KIF22: variants seen among roughly 807,000 people sequenced by gnomAD.
The protein encoded by KIF22 is kinesin family member 22, also known as kinesin-like protein KIF22.
Under a neutral mutation model 73.0 loss-of-function variants are expected in KIF22, and 62 were observed. The observed-to-expected ratio is 0.85, with a 90% CI of 0.69 to 1.05. The LOEUF (loss-of-function observed/expected upper bound fraction) is 1.05. KIF22 is among the 50% of genes least tolerant of loss of function. KIF22 has a pLI of 0.00. For missense variants in KIF22, 854 were observed against 870.1 expected (o/e 0.98, Z 0.23); for synonymous variants, 411 against 340.1 (o/e 1.21, Z -2.29).
At chr16:29,800,916 C>G (rs1899116609) in intron 8 of KIF22, among the ~76,000 whole-genome samples, 1 of 152,184 alleles carries the variant, frequency 6.6e-6, no homozygotes, top group South Asian at 2.1e-4. Context: ...ACCCCTTTAG[C>G]CTTCAGCAAA....
At chr16:29,802,398 C>G (rs1899172805) in intron 8 of KIF22, among the ~76,000 whole-genome samples, 1 of 151,668 alleles carries the variant, frequency 6.6e-6, no homozygotes. Flanking sequence ...CGGTGGATTT[C>G]AAAGCCCTGC....
intron 1 of KIF22, chr16:29,792,491 G>A: frequency 1.3e-6 from 1 of 746,096 alleles, no homozygotes; most frequent in South Asian, 6.0e-5. Flanking sequence ...GGCCTACTCT[G>A]CGCCAGGTGT....
At chr16:29,801,100 C>T (rs1012626322) in intron 8 of KIF22, among the ~76,000 whole-genome samples, 8 of 152,134 alleles carry the variant, frequency 5.3e-5, no homozygotes, top group East Asian at 1.9e-4. Context: ...CATGACTCTC[C>T]GGGGAGCCAG....
Position 29,799,135 on chromosome 16 carries a change from C to A in KIF22, c.710C>A (p.Thr237Asn), listed in dbSNP as rs776071468. The A allele has an allele frequency of 5.0e-6, 8 of 1,613,960 alleles. No individual in the cohort carries two copies. Among genetic ancestry groups the A allele is most frequent in the Non-Finnish European group, 5.9e-6 (7 of 1,180,032 alleles). Reference sequence around the variant, plus strand: ...AGTCGAAATCGGACTGTAGGAGCCACCCGGCTCAACCAGCGCTCCTCCCGC... The same window carrying A: ...AGTCGAAATCGGACTGTAGGAGCCAACCGGCTCAACCAGCGCTCCTCCCGC... ...PASRNRTVGA[T>N]RLNQRSSRSH... Residue 237 changes from threonine to asparagine, a missense_variant, in exon 5 of 14, where the codon ACC (threonine) becomes AAC (asparagine). By Grantham distance (65) the Thr-to-Asn change is moderately conservative. Coordinates refer to ENST00000160827, the MANE Select transcript of KIF22 (RefSeq NM_007317.3).
chr16:29,804,076 C>A lies in KIF22; in HGVS notation c.1677+11C>A. ...GGCCGGAAGAGAAAGGTGAAAGTAGCTGGGGGCTTAGGCTACACCTGGAGC... is the reference window on the plus strand; with the variant it reads ...GGCCGGAAGAGAAAGGTGAAAGTAGATGGGGGCTTAGGCTACACCTGGAGC... On this transcript the variant is annotated intron_variant, in intron 11 of 13. Coordinates refer to ENST00000160827, the MANE Select transcript of KIF22 (RefSeq NM_007317.3). The A allele has an allele frequency of 6.2e-7, 1 of 1,610,746 alleles. No homozygotes were observed.
In KIF22 at chr16:29,798,715, A is replaced by G. The variant is rs1437352628; in HGVS notation, c.517A>G (p.Thr173Ala). The G allele has an allele frequency of 1.2e-6, 2 of 1,613,860 alleles. No individual in the cohort carries two copies. The highest frequency in any genetic ancestry group is 1.7e-6 in the Non-Finnish European group (2 of 1,179,988). ...GGGCCGGCCATGGGCCCTTTCTGTC[A>G]CCATGTCTTACCTAGAGATCTACCA... ...AEGRPWALSVTMSYLEIYQEK... is the reference protein window; with the variant it reads ...AEGRPWALSVAMSYLEIYQEK... The change falls in exon 4 of 14, where the codon ACC becomes GCC. Residue 173 changes from threonine to alanine, a missense_variant. Physicochemically the swap from Thr to Ala is moderately conservative, Grantham distance 58 (BLOSUM62 0). Transcript: ENST00000160827. The surrounding 1 kb of genome is among the most constrained non-coding windows in gnomAD (Gnocchi z 4.1).
chr16:29,804,178 G>A (rs1899253597), intron 11 of KIF22, 113 bp downstream of exon 11: 2 of 816,016 alleles, frequency 2.5e-6, no homozygotes, highest in African/African-American at 1.7e-5. Flanking sequence ...ATGGCCGCCA[G>A]CTACTAACAG....
At chr16:29,796,581 C>CTGGGA (rs1173341844) in intron 1 of KIF22, among the ~76,000 whole-genome samples, 1 of 151,722 alleles carries the variant, frequency 6.6e-6, no homozygotes, top group Non-Finnish European at 1.5e-5. Flanking sequence ...CCAGCATCAC[C>CTGGGA]TGGGAGCTTG....
chr16:29,800,105 C>G (rs1424838878), intron 8 of KIF22, 57 bp downstream of exon 8: 4 of 1,537,484 alleles, frequency 2.6e-6, no homozygotes, highest in Non-Finnish European at 3.5e-6. Flanking sequence ...AGCAGCAGAG[C>G]TGCAATGCCC....
At chr16:29,794,726 C>T (rs1415561176) in intron 1 of KIF22, among the ~76,000 whole-genome samples, 3 of 152,066 alleles carry the variant, frequency 2.0e-5, no homozygotes, top group Non-Finnish European at 2.9e-5. Context: ...GGATTACAGG[C>T]GTCCACCACC....
chr16:29,791,068 T>C, intron 1 of KIF22: 1 of 1,396,086 alleles, frequency 7.2e-7, no homozygotes, highest in South Asian at 1.6e-5. Flanking sequence ...CGGTCCAGGC[T>C]CTTGGCTTGA....
chr16:29,798,249 CT>C lies in KIF22; in HGVS notation c.267-124del. The C allele has an allele frequency of 6.7e-7, 1 of 1,486,882 alleles. No homozygotes were observed. The highest frequency in any genetic ancestry group is 8.9e-7 in the Non-Finnish European group (1 of 1,123,298). The allele number at this position is 1,486,882 out of a possible 1,614,324, so 92.1% of individuals were successfully genotyped here. A position where few individuals can be genotyped will look rare whatever the true frequency, so the allele number is the denominator to read the frequency against. ...GTACAAGAAAGGGGATAGAGACGTT[CT>C]CTTAAATCCAAGGTCCAGATGAGAG... On this transcript the variant is annotated intron_variant, in intron 2 of 13. Coordinates refer to ENST00000160827, the MANE Select transcript of KIF22 (RefSeq NM_007317.3). This position sits in a 1 kb window ranked among gnomAD's most constrained non-coding sequence, Gnocchi z 4.1.
Position 29,797,294 on chromosome 16 carries a change from C to G in KIF22, c.266+206C>G, listed in dbSNP as rs1229748336. Among the ~76,000 whole-genome samples the G allele has an allele frequency of 5.3e-5, 8 of 152,114 alleles. No homozygotes were observed. The highest frequency in any genetic ancestry group is 5.2e-4 in the Admixed American group (8 of 15,256). ...TGTAGGGAGAGATGAGAGGTTGAAT[C>G]AAACATACATTACTGTGCACAGAGA... On this transcript the variant is annotated intron_variant, in intron 2 of 13. Transcript: ENST00000160827. This position sits in a 1 kb window ranked among gnomAD's most constrained non-coding sequence, Gnocchi z 4.1.
chr16:29,802,798 C>A lies in KIF22; in HGVS notation c.1310C>A (p.Pro437Gln). ...CTACAGAAGCTAAGCAGCATGGACC[C>A]GGCCATGCTGGAGCGCCTCCTCAGC... ...SPLQKLSSMDPAMLERLLSLD... is the reference protein window; with the variant it reads ...SPLQKLSSMDQAMLERLLSLD... Residue 437 changes from proline to glutamine, a missense_variant, in exon 9 of 14, where the codon CCG (proline) becomes CAG (glutamine). This residue lies in a region of KIF22 where 423 missense variants were observed against 365.4 expected (regional missense o/e 1.16). Transcript: ENST00000160827. The A allele has an allele frequency of 6.3e-7, 1 of 1,599,708 alleles. No homozygotes were observed. The highest frequency in any genetic ancestry group is 8.5e-7 in the Non-Finnish European group (1 of 1,175,416).
intron 8 of KIF22, among the ~76,000 whole-genome samples, chr16:29,801,326 T>C (rs1000310515): frequency 6.6e-6 from 1 of 152,068 alleles, no homozygotes; most frequent in African/African-American, 2.4e-5. Context: ...AGTTTTAACT[T>C]TGCCCTGTTT....
chr16:29,799,563 G>A (rs878890637), intron 6 of KIF22, 65 bp from the exon 7 acceptor site: 2 of 1,611,310 alleles, frequency 1.2e-6, no homozygotes, highest in Non-Finnish European at 1.7e-6. Context: ...GTGGGGTGGG[G>A]AATAGCAGTT....
At chr16:29,792,657 A>G (rs1333311919) in intron 1 of KIF22, 1 of 152,462 alleles carries the variant, frequency 6.6e-6, no homozygotes, top group Admixed American at 6.5e-5. Context: ...GTCTACCAGG[A>G]AAGGGTTTTT....
rs777294785 is a variant in KIF22 at position 29,805,271 on chromosome 16, C to T, written c.1959C>T (p.Ile653=). 190 of 1,613,998 alleles carry T rather than the reference C, an allele frequency of 1.2e-4. No homozygotes were observed. Among genetic ancestry groups the T allele is most frequent in the Non-Finnish European group, 1.5e-4 (173 of 1,180,044 alleles). The change falls in exon 14 of 14, where the codon ATC becomes ATT. Residue 653 remains isoleucine, a synonymous_variant. Transcript: ENST00000160827. ...KQMESFLKAN[I]LGLAAGQRCG... ...TCCCTCCTGTGTTGCAGGCAAACATCCTGGGTCTCGCCGCCGGCCAGCGCT... is the reference window on the plus strand; with the variant it reads ...TCCCTCCTGTGTTGCAGGCAAACATTCTGGGTCTCGCCGCCGGCCAGCGCT...
intron 9 of KIF22, 126 bp from the exon 10 acceptor site, chr16:29,803,323 C>T (rs1387544688): frequency 1.8e-6 from 2 of 1,115,056 alleles, no homozygotes; most frequent in Non-Finnish European, 2.5e-6. Context: ...CTCCTGGTAA[C>T]CTCCCACTGG....
Sources: allele counts gnomAD v4.1 joint callset (sites outside exome capture counted in the v4.1 genomes callset), GRCh38; gene constraint gnomAD v4.1.1; regional missense constraint gnomAD v4.1.1; non-coding constraint Gnocchi (gnomAD v3.1); transcripts MANE v1.5; gene names NCBI Gene and HGNC (gene_info 2026-07-23, HGNC 2026-07-21).